The following MOBP variants were observed in gnomAD, a reference collection of about 807,000 sequenced individuals.
The protein encoded by MOBP is myelin-associated oligodendrocyte basic protein.
MOBP carries 5 observed loss-of-function variants against 15.0 expected under a neutral mutation model. The observed-to-expected ratio is 0.33, with a 90% CI of 0.17 to 0.70. MOBP has a LOEUF of 0.70. Ranked by LOEUF, MOBP falls within the 30% of genes least tolerant of loss-of-function variation. The pLI is 0.67. For missense variants in MOBP, 188 were observed against 257.8 expected (o/e 0.73, Z 1.85); for synonymous variants, 88 against 99.0 (o/e 0.89, Z 0.66).
chr3:39,520,676 G>A (rs1354491755), downstream of MOBP, among the ~76,000 whole-genome samples: 4 of 151,958 alleles, frequency 2.6e-5, no homozygotes, highest in Non-Finnish European at 5.9e-5. Flanking sequence ...TCTTTCTACC[G>A]CTTCTTGTGT....
intron 3 of MOBP, among the ~76,000 whole-genome samples, chr3:39,523,582 G>T (rs2043295135): frequency 1.3e-5 from 2 of 152,162 alleles, no homozygotes; most frequent in South Asian, 2.1e-4. Context: ...ATTTTTAAAA[G>T]AAATCATCTG....
At chr3:39,480,596 C>G (rs1559416278) in intron 2 of MOBP, among the ~76,000 whole-genome samples, 1 of 152,138 alleles carries the variant, frequency 6.6e-6, no homozygotes. Flanking sequence ...CAGTGTCTTC[C>G]CCACTGCCAC....
At chr3:39,478,193 T>A (rs1030491513) in intron 1 of MOBP, among the ~76,000 whole-genome samples, 4 of 152,234 alleles carry the variant, frequency 2.6e-5, no homozygotes, top group Admixed American at 1.3e-4. Context: ...TCATGGTAAG[T>A]GCCCTATATA....
Position 39,502,524 on chromosome 3 carries a change from G to T in MOBP, c.207-11G>T. 1 of 1,572,294 alleles carries T rather than the reference G, an allele frequency of 6.4e-7. No individual in the cohort carries two copies. Among genetic ancestry groups the T allele is most frequent in the Non-Finnish European group, 8.6e-7 (1 of 1,167,846 alleles). The stretch of plus-strand genomic sequence containing the variant: ...CTGGCTCCCGCCTCCAGCTTCTTTT[G>T]GCCCTCTCAGAACCAGCCGCCGTGC... On this transcript the variant is annotated splice_polypyrimidine_tract_variant and intron_variant, in intron 3 of 3. Coordinates refer to ENST00000684792, the MANE Select transcript of MOBP (RefSeq NM_001393704.1). The surrounding 1 kb of genome is among the most constrained non-coding windows in gnomAD (Gnocchi z 6.3).
rs371449571 is a variant in MOBP at position 39,502,568 on chromosome 3, C to T, written c.240C>T (p.Pro80=). The T allele has an allele frequency of 5.3e-5, 84 of 1,580,364 alleles. No homozygotes were observed. The highest frequency in any genetic ancestry group is 6.7e-5 in the Non-Finnish European group (79 of 1,172,290). The change falls in exon 4 of 4, where the codon CCC becomes CCT. Residue 80 remains proline (P), a synonymous_variant. Coordinates refer to ENST00000684792, the MANE Select transcript of MOBP (RefSeq NM_001393704.1). The surrounding 1 kb of genome is among the most constrained non-coding windows in gnomAD (Gnocchi z 6.3). ...GCCGTGCCAAGTCCCCTCAGAGGCC[C>T]AAGCAACAGCCAGCTGCGCCCCCCG... is the stretch of plus-strand genomic sequence containing the variant. ...TSRRAKSPQR[P]KQQPAAPPAV...
intron 1 of MOBP, among the ~76,000 whole-genome samples, chr3:39,476,399 T>C (rs1222376411): frequency 6.6e-6 from 1 of 152,224 alleles, no homozygotes; most frequent in Admixed American, 6.5e-5. Flanking sequence ...AGGAAATCTG[T>C]GTGTGTATAC....
chr3:39,527,294 G>C (rs2043334208), downstream of MOBP: 1 of 152,106 alleles, frequency 6.6e-6, no homozygotes, highest in Admixed American at 6.5e-5. Context: ...AAAGGCACTA[G>C]TAAGAGAAAA....
intron 4 of MOBP, among the ~76,000 whole-genome samples, chr3:39,510,778 A>G (rs1166549492): frequency 2.6e-5 from 4 of 152,160 alleles, no homozygotes; most frequent in African/African-American, 9.7e-5. Context: ...TTCAATCTGT[A>G]TGCCTATTTT....
chr3:39,485,478 AT>A (rs1280810909), intron 2 of MOBP, among the ~76,000 whole-genome samples: 1 of 152,198 alleles, frequency 6.6e-6, no homozygotes, highest in Non-Finnish European at 1.5e-5. Context: ...AACATGGATG[AT>A]TTTTATCACA....
chr3:39,481,395 A>C (rs1264141689), intron 2 of MOBP, among the ~76,000 whole-genome samples: 2 of 152,322 alleles, frequency 1.3e-5, no homozygotes, highest in African/African-American at 4.8e-5. Context: ...TCTCTCTTCT[A>C]ACAAAGACCA....
intron 2 of MOBP, 76 bp from the exon 3 acceptor site, chr3:39,501,990 G>T: frequency 4.0e-6 from 5 of 1,239,140 alleles, no homozygotes; most frequent in South Asian, 3.8e-5. Flanking sequence ...GTAGCAGGGG[G>T]CTTCCAGAGT....
chr3:39,489,144 T>C (rs929799663), intron 2 of MOBP, among the ~76,000 whole-genome samples: 11 of 152,218 alleles, frequency 7.2e-5, no homozygotes, highest in Non-Finnish European at 1.6e-4. Context: ...TCCTCCCTCA[T>C]GTATGGGTGG....
intron 2 of MOBP, among the ~76,000 whole-genome samples, chr3:39,500,853 A>G (rs967708617): frequency 6.6e-6 from 1 of 152,242 alleles, no homozygotes; most frequent in African/African-American, 2.4e-5. Context: ...ACCTTTAATA[A>G]GATCTAAGAT....
intron 2 of MOBP, chr3:39,499,821 G>C (rs774878208): frequency 1.5e-5 from 5 of 342,056 alleles, no homozygotes; most frequent in Non-Finnish European, 2.9e-5. Context: ...ATGCAGATAG[G>C]ATGAGGGCTC....
downstream of MOBP, among the ~76,000 whole-genome samples, chr3:39,504,340 G>A (rs113386033): frequency 0.011 from 1,660 of 152,368 alleles, 15 homozygotes; most frequent in African/African-American, 0.019. Context: ...GCCACCTATA[G>A]TGGTGGCTTT....
In MOBP at chr3:39,508,185, A is replaced by G. The variant is rs1009247847; in HGVS notation, c.*-5198A>G. On this transcript the variant is annotated intron_variant, in intron 4 of 4. Coordinates refer to the MOBP transcript ENST00000311042. ...CATGCATTCAGACAAAAAAGGAAGCATGTACCTCAAAAGTGTCATGTATGC... is the reference window on the plus strand; with the variant it reads ...CATGCATTCAGACAAAAAAGGAAGCGTGTACCTCAAAAGTGTCATGTATGC... Among the ~76,000 whole-genome samples the G allele has an allele frequency of 1.1e-4, 17 of 152,226 alleles. No individual in the cohort carries two copies. In the East Asian group the frequency reaches 1.3e-3, roughly 12 times the overall value.
At chr3:39,509,929 G>A (rs1164940674) in intron 4 of MOBP, among the ~76,000 whole-genome samples, 2 of 151,974 alleles carry the variant, frequency 1.3e-5, no homozygotes, top group Non-Finnish European at 2.9e-5. Context: ...ATATTTTCTT[G>A]TAGAAATTTT....
At chr3:39,513,523 G>T (rs1258324465) in exon 5 of MOBP, 2 of 1,254,074 alleles carry the variant, frequency 1.6e-6, no homozygotes, top group Non-Finnish European at 1.1e-6. Context: ...CAAATATTAT[G>T]CAGGGGCAAA....
intron 1 of MOBP, among the ~76,000 whole-genome samples, chr3:39,479,018 C>T (rs564434026): frequency 5.9e-5 from 9 of 152,102 alleles, no homozygotes; most frequent in South Asian, 2.1e-4. Flanking sequence ...TTAGTAGAGA[C>T]GGGGCTTCAC....
Sources: allele counts gnomAD v4.1 joint callset (sites outside exome capture counted in the v4.1 genomes callset), GRCh38; gene constraint gnomAD v4.1.1; non-coding constraint Gnocchi (gnomAD v3.1); transcripts MANE v1.5; gene names NCBI Gene and HGNC (gene_info 2026-07-23, HGNC 2026-07-21).